Variants in KCNJ15 observed in about 807,000 individuals in gnomAD.
The protein encoded by KCNJ15 is potassium inwardly rectifying channel subfamily J member 15, also known as ATP-sensitive inward rectifier potassium channel 15.
A neutral mutation model predicts 23.0 loss-of-function variants in KCNJ15; 14 were observed. The observed-to-expected ratio is 0.61, with a 90% CI of 0.40 to 0.95. KCNJ15 has a LOEUF of 0.95. Ranked by LOEUF, KCNJ15 falls within the 40% of genes least tolerant of loss-of-function variation. The pLI is 0.00. For synonymous variants in KCNJ15, 185 were observed against 183.2 expected, an observed-to-expected ratio of 1.01 and a Z score of -0.08; for missense variants, 388 against 461.8, an observed-to-expected ratio of 0.84 and a Z score of 1.46.
At chr21:38,290,225 A>G (rs1158533433) in intron 1 of KCNJ15, among the ~76,000 whole-genome samples, 2 of 152,194 alleles carry the variant, frequency 1.3e-5, no homozygotes. Flanking sequence ...TTGGGCCCGG[A>G]ATCTGTTTAA....
intron 1 of KCNJ15, among the ~76,000 whole-genome samples, chr21:38,282,520 G>A (rs1028349520): frequency 6.6e-6 from 1 of 152,132 alleles, no homozygotes. Context: ...ATAGGAAGAC[G>A]AAATCTTTAT....
intron 1 of KCNJ15, among the ~76,000 whole-genome samples, chr21:38,286,329 C>T (rs1226541696): frequency 6.6e-6 from 1 of 152,168 alleles, no homozygotes; most frequent in African/African-American, 2.4e-5. Flanking sequence ...GCTATGAAGA[C>T]CAAGCATTAT....
chr21:38,252,692 G>A (rs1321653176), upstream of KCNJ15, among the ~76,000 whole-genome samples: 2 of 152,178 alleles, frequency 1.3e-5, no homozygotes, highest in African/African-American at 4.8e-5. Flanking sequence ...CTGACAAAGT[G>A]GAGGAGGATG....
intron 1 of KCNJ15, among the ~76,000 whole-genome samples, chr21:38,279,294 G>A (rs1160330597): frequency 2.0e-5 from 3 of 152,112 alleles, no homozygotes; most frequent in Admixed American, 2.0e-4. Context: ...TGGCAGTCTT[G>A]CAAGAGCAAT....
intron 1 of KCNJ15, among the ~76,000 whole-genome samples, chr21:38,275,007 A>G (rs1397250362): frequency 6.6e-6 from 1 of 152,056 alleles, no homozygotes; most frequent in Non-Finnish European, 1.5e-5. Context: ...ACATGCTTGG[A>G]GCCAACACCA....
chr21:38,243,883 G>T (rs1568982910), intron 1 of KCNJ15, among the ~76,000 whole-genome samples: 1 of 152,218 alleles, frequency 6.6e-6, no homozygotes, highest in Non-Finnish European at 1.5e-5. Flanking sequence ...TGCTGGCCCA[G>T]CACTAGACGG....
intron 1 of KCNJ15, among the ~76,000 whole-genome samples, chr21:38,277,872 T>C (rs1045597433): frequency 3.3e-5 from 5 of 152,202 alleles, no homozygotes; most frequent in African/African-American, 1.2e-4. Flanking sequence ...ACGGATTAAG[T>C]CATTGACTCA....
rs199899519 is a variant in KCNJ15, at chr21:38,299,921, C to T, written c.660C>T (p.His220=). The change falls in exon 3 of 3, where the codon CAC becomes CAT. Residue 220 remains histidine (H), a synonymous_variant. Coordinates refer to ENST00000398938, the MANE Select transcript of KCNJ15 (RefSeq NM_170736.3). This position sits in a 1 kb window ranked among gnomAD's most constrained non-coding sequence, Gnocchi z 4.5. ...CQLSGKLLQT[H]VTKEGERILL... ...TCTCTGGCAAGCTCCTGCAGACCCA[C>T]GTCACCAAGGAGGGGGAGCGGATTC... 30 of 1,614,082 alleles carry T rather than the reference C, an allele frequency of 1.9e-5. No individual in the cohort carries two copies. In the South Asian group the frequency reaches 2.1e-4, roughly 11 times the overall value.
upstream of KCNJ15, among the ~76,000 whole-genome samples, chr21:38,252,172 T>C (rs1411617608): frequency 6.6e-6 from 1 of 152,226 alleles, no homozygotes; most frequent in African/African-American, 2.4e-5. Context: ...AGAGATCAGA[T>C]CACTTGGCTC....
intron 1 of KCNJ15, among the ~76,000 whole-genome samples, chr21:38,231,331 T>A (rs930918343): frequency 2.0e-5 from 3 of 151,988 alleles, no homozygotes; most frequent in Non-Finnish European, 4.4e-5. Flanking sequence ...TTTATTCTAA[T>A]TATTAATAGT....
chr21:38,269,287 A>G (rs1348810360), intron 1 of KCNJ15, among the ~76,000 whole-genome samples: 2 of 152,198 alleles, frequency 1.3e-5, no homozygotes, highest in Non-Finnish European at 2.9e-5. Context: ...CCAGAGCCAG[A>G]GTCTGTCCGT....
chr21:38,254,692 A>G (rs1980068110), upstream of KCNJ15, among the ~76,000 whole-genome samples: 2 of 152,338 alleles, frequency 1.3e-5, no homozygotes, highest in Middle Eastern at 3.4e-3. Context: ...TTGAGCTTCA[A>G]TTCATCGCTC....
intron 1 of KCNJ15, among the ~76,000 whole-genome samples, chr21:38,284,419 G>A (rs1244608003): frequency 1.3e-5 from 2 of 152,122 alleles, no homozygotes; most frequent in Non-Finnish European, 1.5e-5. Flanking sequence ...ACCTGTTGGA[G>A]ACGCCTGTTG....
upstream of KCNJ15, among the ~76,000 whole-genome samples, chr21:38,252,513 A>G (rs1979907193): frequency 6.6e-6 from 1 of 152,228 alleles, no homozygotes; most frequent in South Asian, 2.1e-4. Context: ...TAATCAAACT[A>G]AATTGACATG....
intron 1 of KCNJ15, among the ~76,000 whole-genome samples, chr21:38,267,565 C>T (rs1489907177): frequency 2.6e-5 from 4 of 152,134 alleles, no homozygotes; most frequent in South Asian, 2.1e-4. Context: ...TGGTAACCAA[C>T]AGTAGGAACT....
At chr21:38,236,727 T>A (rs951686610) in intron 1 of KCNJ15, among the ~76,000 whole-genome samples, 1 of 152,356 alleles carries the variant, frequency 6.6e-6, no homozygotes, top group African/African-American at 2.4e-5. Context: ...CCAGTGTCCC[T>A]TAGCTACAGG....
At chr21:38,249,143 T>G (rs1979657697) in intron 1 of KCNJ15, among the ~76,000 whole-genome samples, 1 of 152,118 alleles carries the variant, frequency 6.6e-6, no homozygotes, top group Admixed American at 6.5e-5. Context: ...AATTACAGCT[T>G]CGGTTCAATT....
rs558563769 is a variant in KCNJ15, at chr21:38,281,914, C to G, written c.-116-15012C>G. Among the ~76,000 whole-genome samples the G allele has an allele frequency of 2.0e-4, 30 of 152,260 alleles. 1 individual carries two copies. Among genetic ancestry groups the G allele is most frequent in the African/African-American group, 6.7e-4 (28 of 41,516 alleles). ...AGTGTAGAAACTTTCCCTTTCTTTGCAGCCTTGGCCAGCAACTATTTTTTG... is the reference window on the plus strand; with the variant it reads ...AGTGTAGAAACTTTCCCTTTCTTTGGAGCCTTGGCCAGCAACTATTTTTTG... On this transcript the variant is annotated intron_variant, in intron 1 of 2. Transcript: ENST00000398938.
intron 1 of KCNJ15, among the ~76,000 whole-genome samples, chr21:38,237,028 G>A (rs532611654): frequency 1.7e-4 from 26 of 152,136 alleles, no homozygotes; most frequent in Non-Finnish European, 3.4e-4. Flanking sequence ...TGGCACAGGC[G>A]TGGTACTCTG....
Sources: allele counts gnomAD v4.1 joint callset (sites outside exome capture counted in the v4.1 genomes callset), GRCh38; gene constraint gnomAD v4.1.1; non-coding constraint Gnocchi (gnomAD v3.1); transcripts MANE v1.5; gene names NCBI Gene and HGNC (gene_info 2026-07-23, HGNC 2026-07-21).